The following DLGAP2 variants were observed in gnomAD, a reference collection of about 807,000 sequenced individuals.
The protein encoded by DLGAP2 is DLG associated protein 2, also known as disks large-associated protein 2.
Under a neutral mutation model 100.3 loss-of-function variants are expected in DLGAP2, and 26 were observed. The observed-to-expected ratio is 0.26, with a 90% CI of 0.19 to 0.36. The LOEUF is 0.36. Among genes scored for constraint, DLGAP2 ranks in the 10% least tolerant of loss-of-function variants. The pLI is 1.00. For synonymous variants in DLGAP2, 886 were observed against 630.1 expected, an observed-to-expected ratio of 1.41 and a Z score of -6.08; for missense variants, 1,858 against 1,453.2, an observed-to-expected ratio of 1.28 and a Z score of -4.53.
Position 1,433,090 on chromosome 8 carries a change from G to A in DLGAP2, c.107-68276G>A, listed in dbSNP as rs73532671. Among the ~76,000 whole-genome samples, 453 of 152,260 alleles carry A rather than the reference G, an allele frequency of 3.0e-3. 4 individuals are homozygous for A. The highest frequency in any genetic ancestry group is 0.01 in the African/African-American group (432 of 41,546). On this transcript the variant is annotated intron_variant, in intron 3 of 14. Transcript: ENST00000637795. The stretch of plus-strand genomic sequence containing the variant: ...TTAACATAGGCTTTGGGACTCCCTT[G>A]CCGAGCCACACGTCCCCAGTGTGTG...
At chr8:1,588,738 T>TG (rs1796200944) in intron 6 of DLGAP2, among the ~76,000 whole-genome samples, 1 of 91,474 alleles carries the variant, frequency 1.1e-5, no homozygotes, top group Non-Finnish European at 2.0e-5. Flanking sequence ...CTGTCTTTAC[T>TG]AAAAAAAAAA....
chr8:1,434,310 C>G (rs1208748393), intron 3 of DLGAP2, among the ~76,000 whole-genome samples: 2 of 152,086 alleles, frequency 1.3e-5, no homozygotes, highest in Non-Finnish European at 2.9e-5. Flanking sequence ...ACCCAGGAGG[C>G]TGACAGGAGA....
intron 6 of DLGAP2, among the ~76,000 whole-genome samples, chr8:1,595,003 C>G (rs976337798): frequency 6.6e-6 from 1 of 152,064 alleles, no homozygotes; most frequent in African/African-American, 2.4e-5. Flanking sequence ...AATCCATACA[C>G]ACTGTCCTCC....
At chr8:1,385,868 T>C (rs112522017) in intron 3 of DLGAP2, among the ~76,000 whole-genome samples, 3 of 151,222 alleles carry the variant, frequency 2.0e-5, no homozygotes, top group Non-Finnish European at 2.9e-5. Context: ...GGTGCACAGT[T>C]ACCCGGCCTG....
intron 2 of DLGAP2, among the ~76,000 whole-genome samples, chr8:1,052,606 A>T (rs76164473): frequency 0.019 from 2,899 of 152,212 alleles, 105 homozygotes; most frequent in African/African-American, 0.066. Context: ...GCCTCGAAAG[A>T]TGGCTGGGGG....
At chr8:1,370,021 G>C (rs565848360) in intron 3 of DLGAP2, among the ~76,000 whole-genome samples, 7 of 152,246 alleles carry the variant, frequency 4.6e-5, no homozygotes, top group African/African-American at 1.7e-4. Context: ...CCTGAGTTCA[G>C]CAGCATCCTC....
intron 3 of DLGAP2, among the ~76,000 whole-genome samples, chr8:1,328,404 T>C: frequency 6.6e-6 from 1 of 151,966 alleles, no homozygotes; most frequent in East Asian, 1.9e-4. Flanking sequence ...CTGCAACCTC[T>C]GCCTCCTGGG....
chr8:1,527,740 C>T (rs899240003), intron 4 of DLGAP2, among the ~76,000 whole-genome samples: 56 of 152,254 alleles, frequency 3.7e-4, no homozygotes, highest in African/African-American at 1.3e-3. Flanking sequence ...CACGAGGGGT[C>T]AAGGACAAGC....
At chr8:1,141,422 C>T (rs1585098273) in intron 2 of DLGAP2, among the ~76,000 whole-genome samples, 1 of 152,186 alleles carries the variant, frequency 6.6e-6, no homozygotes, top group Non-Finnish European at 1.5e-5. Flanking sequence ...AACTCACGGG[C>T]ACGTGAATCA....
intron 4 of DLGAP2, among the ~76,000 whole-genome samples, chr8:1,546,399 A>T (rs1201820506): frequency 6.6e-6 from 1 of 152,060 alleles, no homozygotes; most frequent in African/African-American, 2.4e-5. Flanking sequence ...CTGCATTCAC[A>T]CCTGGGTGTG....
chr8:975,894 C>T (rs924238551), intron 2 of DLGAP2, among the ~76,000 whole-genome samples: 1 of 151,262 alleles, frequency 6.6e-6, no homozygotes, highest in Non-Finnish European at 1.5e-5. Context: ...CTGTACAGAC[C>T]AAGACGGGAG....
At chr8:1,165,791 T>C (rs976349895) in intron 2 of DLGAP2, among the ~76,000 whole-genome samples, 1 of 152,302 alleles carries the variant, frequency 6.6e-6, no homozygotes, top group South Asian at 2.1e-4. Flanking sequence ...TCTCCTCCTG[T>C]TACTTTAAAT....
intron 2 of DLGAP2, among the ~76,000 whole-genome samples, chr8:1,013,343 A>G (rs1307747428): frequency 1.3e-5 from 2 of 152,238 alleles, no homozygotes; most frequent in African/African-American, 4.8e-5. Flanking sequence ...AGCCACAGGC[A>G]CAGATTAAAG....
chr8:894,570 G>T (rs548810670), intron 1 of DLGAP2, among the ~76,000 whole-genome samples: 20 of 145,086 alleles, frequency 1.4e-4, no homozygotes, highest in Non-Finnish European at 3.0e-4. Flanking sequence ...CTATGACAAG[G>T]CAAATGTATG....
intron 2 of DLGAP2, among the ~76,000 whole-genome samples, chr8:969,927 G>A (rs555931901): frequency 6.6e-6 from 1 of 152,108 alleles, no homozygotes; most frequent in African/African-American, 2.4e-5. Context: ...AACATTTGAG[G>A]TTATGTTCTT....
At chr8:1,606,697 T>G (rs926447069) in intron 6 of DLGAP2, among the ~76,000 whole-genome samples, 2 of 152,212 alleles carry the variant, frequency 1.3e-5, no homozygotes, top group African/African-American at 4.8e-5. Context: ...TCTGTTTGTT[T>G]TCTGAGATGA....
intron 2 of DLGAP2, among the ~76,000 whole-genome samples, chr8:933,400 C>T (rs1024837636): frequency 8.3e-5 from 12 of 144,130 alleles, no homozygotes; most frequent in Admixed American, 4.8e-4. Context: ...GCTGTGGGCA[C>T]GAGGGTGAGG....
intron 3 of DLGAP2, among the ~76,000 whole-genome samples, chr8:1,377,354 G>C (rs1400821837): frequency 3.3e-5 from 5 of 152,186 alleles, no homozygotes; most frequent in Admixed American, 6.5e-5. Context: ...ACCATCCTGG[G>C]TAATATGGTG....
At chr8:1,281,469 C>A (rs1455315844) in intron 3 of DLGAP2, among the ~76,000 whole-genome samples, 1 of 152,188 alleles carries the variant, frequency 6.6e-6, no homozygotes, top group Non-Finnish European at 1.5e-5. Flanking sequence ...GCCCTTCTGT[C>A]CCCTGGGCAC....
Sources: allele counts gnomAD v4.1 joint callset (sites outside exome capture counted in the v4.1 genomes callset), GRCh38; gene constraint gnomAD v4.1.1; transcripts MANE v1.5; gene names NCBI Gene and HGNC (gene_info 2026-07-23, HGNC 2026-07-21).